CAST: variants seen among roughly 807,000 people sequenced by gnomAD.
CAST encodes the protein MIR583 host.
Under a neutral mutation model 119.6 loss-of-function variants are expected in CAST, and 76 were observed. The observed-to-expected ratio is 0.64, with a 90% CI of 0.53 to 0.77. The LOEUF (loss-of-function observed/expected upper bound fraction) is 0.77. Among genes scored for constraint, CAST ranks in the 30% least tolerant of loss-of-function variants. The probability of loss-of-function intolerance (pLI) is 0.00; values close to 1 mark genes in which losing one functional copy is unlikely to be tolerated. For synonymous variants in CAST, 319 were observed against 331.6 expected, an observed-to-expected ratio of 0.96 and a Z score of 0.41; for missense variants, 953 against 946.5, an observed-to-expected ratio of 1.01 and a Z score of -0.09.
the CAST span, among the ~76,000 whole-genome samples, chr5:96,183,430 G>A: frequency 2.0e-5 from 3 of 151,794 alleles, no homozygotes; most frequent in Admixed American, 1.3e-4. Flanking sequence ...TATTTTGGGA[G>A]CCAATATATT....
At chr5:96,524,005 A>G (rs964788211), upstream of CAST, among the ~76,000 whole-genome samples, 14 of 152,328 alleles carry the variant, frequency 9.2e-5, no homozygotes, top group Admixed American at 7.8e-4. Context: ...AAGAGTATAC[A>G]TGTGAGGATA....
the CAST span, among the ~76,000 whole-genome samples, chr5:96,310,971 A>G: frequency 6.6e-6 from 1 of 151,594 alleles, no homozygotes; most frequent in Non-Finnish European, 1.5e-5. Flanking sequence ...TTTACATAAC[A>G]TTGAGATTAC....
chr5:96,074,285 T>C, the CAST span, among the ~76,000 whole-genome samples: 2 of 152,214 alleles, frequency 1.3e-5, no homozygotes, highest in Non-Finnish European at 2.9e-5. Flanking sequence ...AAAATACGTA[T>C]GTTGAAGCTC....
the CAST span, among the ~76,000 whole-genome samples, chr5:96,340,614 A>G: frequency 6.6e-6 from 1 of 152,216 alleles, no homozygotes; most frequent in Non-Finnish European, 1.5e-5. Context: ...AATGGCCAAC[A>G]GAGAAGAATC....
chr5:96,165,312 T>A, the CAST span, among the ~76,000 whole-genome samples: 3 of 151,942 alleles, frequency 2.0e-5, no homozygotes, highest in Non-Finnish European at 4.4e-5. Flanking sequence ...TTAGGGAGGA[T>A]ATATGTGTGC....
At chr5:96,596,153 CA>C (rs1747048822) in intron 1 of CAST, among the ~76,000 whole-genome samples, 1 of 152,152 alleles carries the variant, frequency 6.6e-6, no homozygotes, top group African/African-American at 2.4e-5. Flanking sequence ...AGGAACTTTG[CA>C]GATGAGATCA....
chr5:96,197,357 C>T, the CAST span, among the ~76,000 whole-genome samples: 9 of 152,150 alleles, frequency 5.9e-5, no homozygotes, highest in African/African-American at 1.2e-4. Context: ...CTGAAAAACA[C>T]GCAGATGTCA....
chr5:96,461,124 T>A, the CAST span, among the ~76,000 whole-genome samples: 1 of 152,166 alleles, frequency 6.6e-6, no homozygotes, highest in East Asian at 1.9e-4. Flanking sequence ...ATATGGCATT[T>A]TATGTCTAGC....
At chr5:96,062,790 G>A in the CAST span, among the ~76,000 whole-genome samples, 5 of 152,128 alleles carry the variant, frequency 3.3e-5, no homozygotes, top group Non-Finnish European at 7.4e-5. Context: ...TCAATTTTGA[G>A]AGTGAATGGA....
chr5:96,418,038 T>C, the CAST span, among the ~76,000 whole-genome samples: 2 of 152,190 alleles, frequency 1.3e-5, no homozygotes, highest in Non-Finnish European at 1.5e-5. Context: ...ATCCCCAGGT[T>C]TGTGCCTTTG....
At chr5:96,093,229 A>G in the CAST span, among the ~76,000 whole-genome samples, 1 of 152,214 alleles carries the variant, frequency 6.6e-6, no homozygotes, top group African/African-American at 2.4e-5. Context: ...TTATTTAGTT[A>G]TGGAGACAAG....
At chr5:96,759,960 ATAT>A (rs2150654066) in intron 24 of CAST, among the ~76,000 whole-genome samples, 1 of 152,166 alleles carries the variant, frequency 6.6e-6, no homozygotes, top group African/African-American at 2.4e-5. Flanking sequence ...TTAAACAAAA[ATAT>A]TAAACTGCGT....
the CAST span, among the ~76,000 whole-genome samples, chr5:96,009,621 G>A: frequency 1.3e-4 from 19 of 151,970 alleles, no homozygotes; most frequent in African/African-American, 4.1e-4. Flanking sequence ...GTTCATGTCC[G>A]TTGCCTATTT....
At chr5:96,235,238 T>C in the CAST span, among the ~76,000 whole-genome samples, 2 of 152,322 alleles carry the variant, frequency 1.3e-5, no homozygotes, top group South Asian at 2.1e-4. Context: ...CAGTGTAATA[T>C]AGATGAAAGC....
the CAST span, among the ~76,000 whole-genome samples, chr5:96,324,428 C>T: frequency 6.6e-6 from 1 of 152,184 alleles, no homozygotes; most frequent in African/African-American, 2.4e-5. Context: ...TTATCCTAAT[C>T]GTAATTAGAA....
intron 1 of CAST, among the ~76,000 whole-genome samples, chr5:96,649,242 C>T (rs987180141): frequency 1.3e-5 from 2 of 152,168 alleles, no homozygotes; most frequent in African/African-American, 4.8e-5. Context: ...CTCAGACTCC[C>T]ATTGCAGCCC....
chr5:96,084,680 G>A, the CAST span, among the ~76,000 whole-genome samples: 1 of 152,202 alleles, frequency 6.6e-6, no homozygotes. Context: ...CTGGGAGGCT[G>A]GGAAGCAGGG....
At chr5:96,435,908 G>A in the CAST span, among the ~76,000 whole-genome samples, 3 of 152,072 alleles carry the variant, frequency 2.0e-5, no homozygotes, top group East Asian at 1.9e-4. Flanking sequence ...TTGTTACTAC[G>A]AAATAAAACA....
chr5:96,325,782 C>T, the CAST span, among the ~76,000 whole-genome samples: 27,628 of 152,072 alleles, frequency 0.18, 2,815 homozygotes, highest in Non-Finnish European at 0.2. Context: ...ACCCAGCCTC[C>T]GATCTCTTAG....
Sources: gnomAD v4.1 joint callset for allele counts (sites outside exome capture counted in the v4.1 genomes callset) on GRCh38, gnomAD v4.1.1 for gene constraint, MANE v1.5 for transcripts, NCBI Gene and HGNC (gene_info 2026-07-23, HGNC 2026-07-21) for gene names.